NRG3: variants seen among roughly 807,000 people sequenced by gnomAD.
NRG3 encodes the protein pro-neuregulin-3, membrane-bound isoform.
In NRG3, 31 loss-of-function variants were observed where a neutral mutation model predicts 66.9. The ratio of observed to expected loss-of-function variants is 0.46; its 90% CI spans 0.35 to 0.63. The LOEUF (loss-of-function observed/expected upper bound fraction) is 0.63, where lower values mean the gene tolerates loss of function less well. NRG3 is among the 20% of genes least tolerant of loss of function. The probability of loss-of-function intolerance (pLI) is 0.00; values close to 1 mark genes in which losing one functional copy is unlikely to be tolerated. For missense variants in NRG3, 910 were observed against 878.9 expected (o/e 1.04, Z -0.45); for synonymous variants, 393 against 359.4 (o/e 1.09, Z -1.06).
intron 1 of NRG3, among the ~76,000 whole-genome samples, chr10:82,006,841 A>G (rs1386253144): frequency 6.6e-6 from 1 of 152,164 alleles, no homozygotes; most frequent in Non-Finnish European, 1.5e-5. Flanking sequence ...GAAGCTTTTT[A>G]GTAAAGGCTT....
chr10:82,345,802 A>G (rs2082979629), intron 1 of NRG3, among the ~76,000 whole-genome samples: 1 of 151,604 alleles, frequency 6.6e-6, no homozygotes, highest in Non-Finnish European at 1.5e-5. Context: ...TTGGATTCCT[A>G]GGTATTTTAT....
At chr10:82,131,539 A>G (rs1366965339) in intron 1 of NRG3, among the ~76,000 whole-genome samples, 1 of 150,966 alleles carries the variant, frequency 6.6e-6, no homozygotes, top group Non-Finnish European at 1.5e-5. Flanking sequence ...TGGTTTCCCT[A>G]TCAAATTTAG....
chr10:82,490,560 A>C (rs1171190903), intron 2 of NRG3, among the ~76,000 whole-genome samples: 1 of 152,076 alleles, frequency 6.6e-6, no homozygotes, highest in African/African-American at 2.4e-5. Flanking sequence ...TGGTGAATTT[A>C]TCCCATGTTC....
intron 1 of NRG3, among the ~76,000 whole-genome samples, chr10:82,267,777 G>A (rs2078378915): frequency 6.6e-6 from 1 of 152,146 alleles, no homozygotes; most frequent in African/African-American, 2.4e-5. Context: ...GCATGGTGAG[G>A]AGTGTGTAGG....
intron 1 of NRG3, among the ~76,000 whole-genome samples, chr10:82,176,216 G>A (rs2073020299): frequency 6.6e-6 from 1 of 152,160 alleles, no homozygotes; most frequent in South Asian, 2.1e-4. Context: ...AGATTCTCAT[G>A]CAGGATATCC....
At chr10:82,837,428 T>G (rs1248202829) in intron 3 of NRG3, among the ~76,000 whole-genome samples, 3 of 152,126 alleles carry the variant, frequency 2.0e-5, no homozygotes, top group Non-Finnish European at 4.4e-5. Context: ...TAAACTGATG[T>G]TTAACTGTAT....
intron 2 of NRG3, among the ~76,000 whole-genome samples, chr10:82,481,350 A>G (rs1310000177): frequency 2.0e-5 from 3 of 152,140 alleles, no homozygotes; most frequent in Non-Finnish European, 2.9e-5. Flanking sequence ...GTGAACTCAT[A>G]AAGTGCAGCG....
At chr10:82,079,854 A>C (rs911591837) in intron 1 of NRG3, among the ~76,000 whole-genome samples, 1 of 152,186 alleles carries the variant, frequency 6.6e-6, no homozygotes, top group African/African-American at 2.4e-5. Flanking sequence ...GGTATCCTAT[A>C]TCTGGATTCC....
chr10:82,423,820 TC>T (rs1256276473), intron 2 of NRG3, among the ~76,000 whole-genome samples: 1 of 152,028 alleles, frequency 6.6e-6, no homozygotes. Context: ...TCGCCCATTT[TC>T]CATAACCTGA....
chr10:82,010,185 A>G (rs1348251879), intron 1 of NRG3, among the ~76,000 whole-genome samples: 1 of 152,188 alleles, frequency 6.6e-6, no homozygotes, highest in Non-Finnish European at 1.5e-5. Context: ...AGAAGAAAGA[A>G]TTTCATCTTT....
At chr10:82,813,032 G>T (rs1307201322) in intron 3 of NRG3, among the ~76,000 whole-genome samples, 2 of 152,100 alleles carry the variant, frequency 1.3e-5, no homozygotes, top group East Asian at 3.9e-4. Context: ...TTTCAGTCAT[G>T]CAATAACTCA....
chr10:82,433,858 A>G (rs1397922861), intron 2 of NRG3, among the ~76,000 whole-genome samples: 1 of 152,160 alleles, frequency 6.6e-6, no homozygotes, highest in African/African-American at 2.4e-5. Context: ...GTAGTCTTGT[A>G]GTATAGTTTG....
chr10:82,794,438 A>C (rs2060713875), intron 3 of NRG3, among the ~76,000 whole-genome samples: 1 of 152,106 alleles, frequency 6.6e-6, no homozygotes, highest in African/African-American at 2.4e-5. Flanking sequence ...AATGTTCTCT[A>C]ATTAGTTACT....
At chr10:82,290,390 T>C (rs1174701053) in intron 1 of NRG3, among the ~76,000 whole-genome samples, 3 of 152,230 alleles carry the variant, frequency 2.0e-5, no homozygotes, top group Non-Finnish European at 4.4e-5. Context: ...AATGACTTTC[T>C]AGTATTGTCC....
intron 2 of NRG3, among the ~76,000 whole-genome samples, chr10:82,731,057 T>C (rs1205874686): frequency 1.3e-5 from 2 of 151,990 alleles, no homozygotes; most frequent in Non-Finnish European, 2.9e-5. Flanking sequence ...AAATCGAGGG[T>C]AGTCTGCAGT....
chr10:82,881,929 G>A (rs1842336521), intron 4 of NRG3, among the ~76,000 whole-genome samples: 1 of 152,148 alleles, frequency 6.6e-6, no homozygotes. Flanking sequence ...AGAGCTGTGT[G>A]CTTTAGGAGT....
At chr10:82,224,622 A>T (rs1014998892) in intron 1 of NRG3, among the ~76,000 whole-genome samples, 4 of 152,214 alleles carry the variant, frequency 2.6e-5, no homozygotes, top group Admixed American at 6.5e-5. Flanking sequence ...AATATGATGC[A>T]AGACATGAAA....
intron 1 of NRG3, among the ~76,000 whole-genome samples, chr10:82,076,414 A>G (rs2065093779): frequency 6.6e-6 from 1 of 152,230 alleles, no homozygotes; most frequent in Non-Finnish European, 1.5e-5. Context: ...TCCTTGGATG[A>G]TTACTTTGTG....
At chr10:82,891,351 T>C (rs923332527) in intron 4 of NRG3, among the ~76,000 whole-genome samples, 10 of 151,900 alleles carry the variant, frequency 6.6e-5, no homozygotes, top group Non-Finnish European at 1.3e-4. Flanking sequence ...AAATTTATAG[T>C]TTGAAAAATA....
Sources: gnomAD v4.1 joint callset for allele counts (sites outside exome capture counted in the v4.1 genomes callset) on GRCh38, gnomAD v4.1.1 for gene constraint, MANE v1.5 for transcripts, NCBI Gene and HGNC (gene_info 2026-07-23, HGNC 2026-07-21) for gene names.